The following PARP11 variants were observed in gnomAD, a reference collection of about 807,000 sequenced individuals.
PARP11 encodes poly(ADP-ribose) polymerase family member 11, also known as protein mono-ADP-ribosyltransferase PARP11.
Under a neutral mutation model 42.9 loss-of-function variants are expected in PARP11, and 31 were observed. The ratio of observed to expected loss-of-function variants is 0.72; its 90% CI spans 0.54 to 0.98. The LOEUF (loss-of-function observed/expected upper bound fraction) is 0.98, where lower values mean the gene tolerates loss of function less well. Among genes scored for constraint, PARP11 ranks in the 50% least tolerant of loss-of-function variants. The pLI is 0.00. For synonymous variants in PARP11, 137 were observed against 127.3 expected (o/e 1.08, Z -0.51); for missense variants, 365 against 413.1 (o/e 0.88, Z 1.01).
At chr12:3,836,140 T>A (rs1947756647) in intron 1 of PARP11, among the ~76,000 whole-genome samples, 1 of 151,394 alleles carries the variant, frequency 6.6e-6, no homozygotes, top group Admixed American at 6.6e-5. Flanking sequence ...AACACAGAGA[T>A]CCAAATGCAG....
At chr12:3,837,114 A>C (rs1025224807) in intron 1 of PARP11, among the ~76,000 whole-genome samples, 2 of 152,174 alleles carry the variant, frequency 1.3e-5, no homozygotes, top group Admixed American at 1.3e-4. Context: ...AGACGACACC[A>C]AATCAGAGTG....
intron 1 of PARP11, among the ~76,000 whole-genome samples, chr12:3,835,698 T>C (rs1392648133): frequency 6.6e-6 from 1 of 152,078 alleles, no homozygotes; most frequent in African/African-American, 2.4e-5. Context: ...AGAGAAATAA[T>C]TTAAGATAAT....
At chr12:3,841,298 C>T (rs1274736860) in intron 1 of PARP11, 25 of 1,268,106 alleles carry the variant, frequency 2.0e-5, no homozygotes, top group Admixed American at 1.0e-4. Context: ...GGTGTGAAGG[C>T]ATACAGTTGT....
At chr12:3,870,396 A>G (rs1948454597) in intron 1 of PARP11, among the ~76,000 whole-genome samples, 1 of 152,248 alleles carries the variant, frequency 6.6e-6, no homozygotes, top group Non-Finnish European at 1.5e-5. Context: ...CTCTGCTGAA[A>G]TTAGCAAAAT....
intron 1 of PARP11, among the ~76,000 whole-genome samples, chr12:3,837,578 C>T (rs1403212059): frequency 6.6e-6 from 1 of 151,762 alleles, no homozygotes; most frequent in Non-Finnish European, 1.5e-5. Flanking sequence ...ACAAAATGAA[C>T]TAGTAAGGAC....
intron 1 of PARP11, among the ~76,000 whole-genome samples, chr12:3,833,895 C>T (rs560405059): frequency 9.9e-4 from 151 of 152,258 alleles, no homozygotes; most frequent in African/African-American, 3.3e-3. Flanking sequence ...AGTTTTACCC[C>T]GGGAAGGGCA....
chr12:3,813,250 C>T (rs1034406917), intron 7 of PARP11, among the ~76,000 whole-genome samples: 3 of 152,116 alleles, frequency 2.0e-5, no homozygotes, highest in Non-Finnish European at 2.9e-5. Flanking sequence ...CCCAAGAAAC[C>T]GTATTTCTAT....
intron 1 of PARP11, chr12:3,839,770 T>C: frequency 8.8e-7 from 1 of 1,133,232 alleles, no homozygotes; most frequent in East Asian, 2.3e-5. Flanking sequence ...TCCCGTAAAG[T>C]ATAAAGAAAG....
chr12:3,841,958 G>C (rs1383731462), intron 1 of PARP11: 14 of 1,609,208 alleles, frequency 8.7e-6, no homozygotes, highest in Non-Finnish European at 1.2e-5. Context: ...GCAAGTGTGA[G>C]CAGTAAGCCA....
chr12:3,840,183 G>C lies in PARP11; in HGVS notation c.19-10165C>G, dbSNP rs931110747. 30 of 1,610,292 alleles carry C rather than the reference G, an allele frequency of 1.9e-5. No individual in the cohort carries two copies. The highest frequency in any genetic ancestry group is 2.5e-5 in the Non-Finnish European group (29 of 1,176,592). ...TTGGAGACAAATGTCAAGTTAGGTT[G>C]GATCACAATGGAAAATTTTTGAATG... On this transcript the variant is annotated intron_variant, in intron 1 of 7. Coordinates refer to ENST00000228820, the MANE Select transcript of PARP11 (RefSeq NM_020367.6). This position sits in a 1 kb window ranked among gnomAD's most constrained non-coding sequence, Gnocchi z 4.4.
intron 1 of PARP11, among the ~76,000 whole-genome samples, chr12:3,850,500 T>C (rs1948078193): frequency 6.6e-6 from 1 of 152,174 alleles, no homozygotes. Flanking sequence ...TCAGCTGTAA[T>C]ATATATTTTC....
At position 3,809,204 on chromosome 12, in the gene PARP11, T is replaced by G. The variant is rs1369222281; in HGVS notation, c.*2919A>C. ...AGATGGCAAATGGTTGTGTCCAGTA[T>G]TATTATATACTGGTTATATAATTCT... is the stretch of plus-strand genomic sequence containing the variant. On this transcript the variant is annotated 3_prime_UTR_variant, in exon 8 of 8. Transcript: ENST00000228820. 1 of 152,228 alleles carries G rather than the reference T, an allele frequency of 6.6e-6. No individual in the cohort carries two copies. The highest frequency in any genetic ancestry group is 6.5e-5 in the Admixed American group (1 of 15,286). The allele number at this position is 152,228 out of a possible 1,614,324, so 9.4% of individuals were successfully genotyped here. A position where few individuals can be genotyped will look rare whatever the true frequency, so the allele number is the denominator to read the frequency against.
chr12:3,834,875 G>A (rs1027836133), intron 1 of PARP11, among the ~76,000 whole-genome samples: 1 of 151,938 alleles, frequency 6.6e-6, no homozygotes, highest in African/African-American at 2.4e-5. Flanking sequence ...TCTTGAAAAC[G>A]TTCTCTAAGC....
chr12:3,851,126 G>A (rs1278195275), intron 1 of PARP11, among the ~76,000 whole-genome samples: 3 of 152,196 alleles, frequency 2.0e-5, no homozygotes, highest in African/African-American at 4.8e-5. Flanking sequence ...AAAAGATACA[G>A]CATTGGGGGT....
chr12:3,856,521 T>A (rs1442423833), intron 1 of PARP11, among the ~76,000 whole-genome samples: 3 of 152,086 alleles, frequency 2.0e-5, no homozygotes, highest in Non-Finnish European at 2.9e-5. Context: ...CATGAAAAAA[T>A]GCTCATCATC....
At chr12:3,831,855 CT>C (rs537687857) in intron 1 of PARP11, among the ~76,000 whole-genome samples, 2 of 151,784 alleles carry the variant, frequency 1.3e-5, no homozygotes, top group Non-Finnish European at 2.9e-5. Flanking sequence ...ATTCCTACTG[CT>C]TTTTTTTATT....
intron 1 of PARP11, chr12:3,863,790 T>A (rs1332424719): frequency 6.6e-6 from 1 of 152,248 alleles, no homozygotes; most frequent in African/African-American, 2.4e-5. Flanking sequence ...ACAGGGCTTT[T>A]ACTGGGTATC....
intron 4 of PARP11, among the ~76,000 whole-genome samples, chr12:3,822,631 A>G (rs1947424089): frequency 6.6e-6 from 1 of 151,586 alleles, no homozygotes; most frequent in East Asian, 1.9e-4. Flanking sequence ...TTGACTGTCT[A>G]TGTGTGCTAC....
chr12:3,848,098 A>G (rs565021841), intron 1 of PARP11, among the ~76,000 whole-genome samples: 1 of 152,246 alleles, frequency 6.6e-6, no homozygotes, highest in East Asian at 1.9e-4. Context: ...ATACGAGTCA[A>G]TTTAACTAAA....
Sources: gnomAD v4.1 joint callset for allele counts (sites outside exome capture counted in the v4.1 genomes callset) on GRCh38, gnomAD v4.1.1 for gene constraint, Gnocchi (gnomAD v3.1) non-coding constraint, MANE v1.5 for transcripts, NCBI Gene and HGNC (gene_info 2026-07-23, HGNC 2026-07-21) for gene names.